KIF21A: variants seen among roughly 807,000 people sequenced by gnomAD.
KIF21A encodes kinesin family member 21A.
A neutral mutation model predicts 202.9 loss-of-function variants in KIF21A; 114 were observed. That is an observed-to-expected ratio of 0.56 (90% CI 0.48 to 0.66). The LOEUF (loss-of-function observed/expected upper bound fraction) is 0.66, where lower values mean the gene tolerates loss of function less well. KIF21A is among the 30% of genes least tolerant of loss of function. The pLI is 0.00. For missense variants in KIF21A, 1,677 were observed against 1,994.9 expected, an observed-to-expected ratio of 0.84 and a Z score of 3.04; for synonymous variants, 667 against 670.8, an observed-to-expected ratio of 0.99 and a Z score of 0.09.
intron 3 of KIF21A, among the ~76,000 whole-genome samples, chr12:39,369,158 T>C (rs559205246): frequency 2.0e-5 from 3 of 152,308 alleles, no homozygotes; most frequent in Admixed American, 2.0e-4. Flanking sequence ...AGTAATAACC[T>C]TTATCTATTG....
intron 1 of KIF21A, among the ~76,000 whole-genome samples, chr12:39,433,452 T>C (rs899136683): frequency 6.6e-6 from 1 of 152,252 alleles, no homozygotes; most frequent in South Asian, 2.1e-4. Context: ...TACAGTGCTC[T>C]TTAATCCACA....
rs1372494558 is a variant in KIF21A, at chr12:39,318,156, G to A, written c.3825C>T (p.Ser1275=). 12 of 1,613,514 alleles carry A rather than the reference G, an allele frequency of 7.4e-6. No homozygotes were observed. The East Asian group carries it at 2.5e-4, about 33-fold the overall frequency. The stretch of plus-strand genomic sequence containing the variant: ...GTTCATTACGGGGCCGGCTTGGTGG[G>A]GAAGAAGGAGGTGAAAGACTAGCCT... The part of the protein sequence containing the change: ...TSEASLSPPS[S]PPSRPRNELN... The change falls in exon 29 of 38, where the codon TCC becomes TCT. Residue 1275 remains serine, a synonymous_variant. Transcript: ENST00000361418.
intron 30 of KIF21A, among the ~76,000 whole-genome samples, chr12:39,315,536 T>A (rs1239552918): frequency 6.6e-6 from 1 of 151,986 alleles, no homozygotes; most frequent in East Asian, 1.9e-4. Flanking sequence ...AATCATATAA[T>A]CTTTTTACTT....
At chr12:39,307,750 CA>C in intron 33 of KIF21A, 21 bp from the exon 34 acceptor site, 1 of 1,610,944 alleles carries the variant, frequency 6.2e-7, no homozygotes, top group Non-Finnish European at 8.5e-7. Context: ...ACAAACAAAG[CA>C]AAAAAGTCAC....
chr12:39,427,442 A>G (rs1054942342), intron 1 of KIF21A, among the ~76,000 whole-genome samples: 2 of 152,150 alleles, frequency 1.3e-5, no homozygotes, highest in Non-Finnish European at 2.9e-5. Flanking sequence ...GGGTAACGTT[A>G]TTTTTCACAG....
intron 26 of KIF21A, 58 bp from the exon 27 acceptor site, chr12:39,322,940 T>G (rs1312366407): frequency 8.8e-7 from 1 of 1,133,246 alleles, no homozygotes; most frequent in Non-Finnish European, 1.2e-6. Flanking sequence ...AGAAGCTGAT[T>G]AGAGAACAGA....
rs779042208 is a variant in KIF21A, at chr12:39,331,834, G to GC, written c.3052-44_3052-43insG. 2.2e-6 allele frequency: 3 copies of GC among 1,392,746 alleles called. No individual in the cohort carries two copies. In the East Asian group the frequency reaches 6.8e-5, roughly 32 times the overall value. 86.3% of individuals were successfully genotyped at this position (1,392,746 alleles called of 1,614,324 possible). A position where few individuals can be genotyped will look rare whatever the true frequency, so the allele number is the denominator to read the frequency against. On this transcript the variant is annotated intron_variant, in intron 21 of 37. Coordinates refer to ENST00000361418, the MANE Select transcript of KIF21A (RefSeq NM_001173464.2). ...AATATGATGACCATTACTTTGAGCT[G>GC]AAAACAGAAGGCAACAGCCTATTGT...
chr12:39,342,996 C>A (rs929735927), intron 12 of KIF21A, among the ~76,000 whole-genome samples: 4 of 152,168 alleles, frequency 2.6e-5, no homozygotes, highest in African/African-American at 4.8e-5. Flanking sequence ...AGAAATTACA[C>A]TATTGATCAC....
At chr12:39,332,470 CAAA>C in intron 20 of KIF21A, 62 bp from the exon 21 acceptor site, 3 of 1,506,526 alleles carry the variant, frequency 2.0e-6, no homozygotes, top group Non-Finnish European at 2.8e-6. Flanking sequence ...ACAGTACCAT[CAAA>C]CCCCCCCACC....
intron 12 of KIF21A, 120 bp from the exon 13 acceptor site, chr12:39,342,244 C>T (rs1254884619): frequency 4.1e-6 from 3 of 726,564 alleles, no homozygotes; most frequent in South Asian, 3.0e-5. Flanking sequence ...ATGTTGGTCA[C>T]TTAACTGAGC....
chr12:39,422,691 T>A (rs1954403666), intron 1 of KIF21A, among the ~76,000 whole-genome samples: 1 of 152,204 alleles, frequency 6.6e-6, no homozygotes, highest in Non-Finnish European at 1.5e-5. Context: ...TGGTCTGAAA[T>A]ATGCCAAAAG....
intron 1 of KIF21A, among the ~76,000 whole-genome samples, chr12:39,438,227 A>G (rs1939090841): frequency 6.6e-6 from 1 of 152,332 alleles, no homozygotes; most frequent in South Asian, 2.1e-4. Flanking sequence ...CAAAGAGACC[A>G]TTACAGCCTA....
At chr12:39,322,324 T>C (rs1253905074) in intron 27 of KIF21A, 1 of 181,050 alleles carries the variant, frequency 5.5e-6, no homozygotes, top group Non-Finnish European at 1.1e-5. Flanking sequence ...ACTTTCTGTT[T>C]ATACATAATA....
In KIF21A at chr12:39,357,397, T is replaced by C. The variant is rs751166979; in HGVS notation, c.1256A>G (p.Asn419Ser). Residue 419 changes from asparagine to serine, a missense_variant, in exon 9 of 38, where the codon AAT (asparagine) becomes AGT (serine). Asn to Ser is a conservative substitution (Grantham distance 46). Around this residue, in one of 3 missense-constraint regions of KIF21A, gnomAD observed 966 missense variants for 1,180.9 expected, o/e 0.82. Transcript: ENST00000361418. ...IIDEEGVESI[N>S]DMFHENAMLQ... ...CATAGCATTCTCATGAAACATGTCA[T>C]TGATGCTTTCCACACCCTCTTCGTC... 2.0e-5 allele frequency: 33 copies of C among 1,614,048 alleles called. No individual in the cohort carries two copies. The highest frequency in any genetic ancestry group is 2.3e-5 in the Non-Finnish European group (27 of 1,180,002).
intron 26 of KIF21A, among the ~76,000 whole-genome samples, chr12:39,324,103 C>T (rs1945590640): frequency 1.3e-5 from 2 of 151,468 alleles, no homozygotes; most frequent in African/African-American, 4.9e-5. Context: ...GAGCAAGACT[C>T]TGCCTCAAAA....
chr12:39,374,920 T>C (rs1260561835), intron 1 of KIF21A, among the ~76,000 whole-genome samples: 1 of 152,202 alleles, frequency 6.6e-6, no homozygotes, highest in African/African-American at 2.4e-5. Flanking sequence ...TGCCATGCAC[T>C]ATGCACCAGT....
At chr12:39,425,424 T>C (rs1259821991) in intron 1 of KIF21A, among the ~76,000 whole-genome samples, 1 of 152,140 alleles carries the variant, frequency 6.6e-6, no homozygotes, top group Non-Finnish European at 1.5e-5. Flanking sequence ...AATTATATTT[T>C]TCACCTCTGA....
chr12:39,372,774 A>T lies in KIF21A; in HGVS notation c.45-2513T>A, dbSNP rs17485955. Among the ~76,000 whole-genome samples, 948 of 151,878 alleles carry T rather than the reference A, an allele frequency of 6.2e-3. 4 individuals are homozygous for T. The highest frequency in any genetic ancestry group is 0.01 in the Middle Eastern group (3 of 292). ...TAAATTAATAATTTTTTGTTTCCAA[A>T]CTCCTCTTCTCCTACCACATTACTT... On this transcript the variant is annotated intron_variant, in intron 1 of 37. Coordinates refer to ENST00000361418, the MANE Select transcript of KIF21A (RefSeq NM_001173464.2).
intron 1 of KIF21A, among the ~76,000 whole-genome samples, chr12:39,409,465 G>A (rs1403779200): frequency 4.0e-5 from 6 of 150,834 alleles, no homozygotes; most frequent in Non-Finnish European, 7.4e-5. Flanking sequence ...TGAGGCTGCA[G>A]TGAGCCATGA....
Sources: allele counts gnomAD v4.1 joint callset (sites outside exome capture counted in the v4.1 genomes callset), GRCh38; gene constraint gnomAD v4.1.1; regional missense constraint gnomAD v4.1.1; transcripts MANE v1.5; gene names NCBI Gene and HGNC (gene_info 2026-07-23, HGNC 2026-07-21).